The following GLI2 variants were observed in gnomAD, a reference collection of about 807,000 sequenced individuals.
The protein encoded by GLI2 is transcription activator GLI2.
GLI2 carries 22 observed loss-of-function variants against 78.9 expected under a neutral mutation model. The ratio of observed to expected loss-of-function variants is 0.28; its 90% confidence interval spans 0.20 to 0.40. The LOEUF is 0.40. Ranked by LOEUF, GLI2 falls within the 10% of genes least tolerant of loss-of-function variation. The pLI is 1.00. For missense variants in GLI2, 2,097 were observed against 2,213.2 expected (o/e 0.95, Z 1.05); for synonymous variants, 974 against 963.7 (o/e 1.01, Z -0.20).
chr2:120,836,631 T>C (rs1380090663), intron 2 of GLI2, among the ~76,000 whole-genome samples: 2 of 152,200 alleles, frequency 1.3e-5, no homozygotes, highest in Non-Finnish European at 2.9e-5. Context: ...AAAGATGCAA[T>C]AGAAAATATC....
intron 1 of GLI2, among the ~76,000 whole-genome samples, chr2:120,755,705 T>C (rs1232406485): frequency 6.6e-6 from 1 of 151,944 alleles, no homozygotes; most frequent in African/African-American, 2.4e-5. Flanking sequence ...TTTTAAGAAG[T>C]ATTAAAGTTT....
At chr2:120,961,750 G>A (rs1235957608) in intron 5 of GLI2, among the ~76,000 whole-genome samples, 2 of 152,168 alleles carry the variant, frequency 1.3e-5, no homozygotes, top group Non-Finnish European at 2.9e-5. Context: ...GAGGGAGTTG[G>A]GCTATGCAGG....
At chr2:120,940,989 C>A (rs1680423120) in intron 3 of GLI2, among the ~76,000 whole-genome samples, 1 of 152,180 alleles carries the variant, frequency 6.6e-6, no homozygotes, top group Non-Finnish European at 1.5e-5. Context: ...CGGCCTCAGA[C>A]CCCCAGCTCC....
intron 10 of GLI2, among the ~76,000 whole-genome samples, chr2:120,979,499 T>C (rs1216615542): frequency 6.6e-6 from 1 of 152,212 alleles, no homozygotes; most frequent in African/African-American, 2.4e-5. Flanking sequence ...CACCTTAATA[T>C]CTCTGAAGTC....
chr2:120,748,722 C>T (rs991288565), intron 1 of GLI2, among the ~76,000 whole-genome samples: 7 of 152,298 alleles, frequency 4.6e-5, no homozygotes, highest in Middle Eastern at 3.4e-3. Flanking sequence ...TCATTCTCCC[C>T]GTCTTGGGTT....
chr2:120,970,280 T>C, intron 6 of GLI2, 113 bp from the exon 7 acceptor site: 1 of 673,036 alleles, frequency 1.5e-6, no homozygotes, highest in Non-Finnish European at 2.7e-6. Context: ...ATGGTGGGGC[T>C]AGCAACATGC....
At chr2:120,787,967 C>T (rs116097911) in intron 1 of GLI2, among the ~76,000 whole-genome samples, 8,431 of 152,276 alleles carry the variant, frequency 0.055, 368 homozygotes, top group Admixed American at 0.11. Flanking sequence ...ATGGGACTGT[C>T]GTGTCAATTC....
In GLI2 at chr2:120,800,837, C is replaced by T. The variant is rs1372794881; in HGVS notation, c.148+3369C>T. Reference sequence around the variant, plus strand: ...GATGACTTATACGAGCTTAGTGTTTCCTGACTTATTACACATCAGAGAAGG... The same window carrying T: ...GATGACTTATACGAGCTTAGTGTTTTCTGACTTATTACACATCAGAGAAGG... On this transcript the variant is annotated intron_variant, in intron 2 of 13. Transcript: ENST00000361492. This position sits in a 1 kb window ranked among gnomAD's most constrained non-coding sequence, Gnocchi z 4.1. Among the ~76,000 whole-genome samples the T allele has an allele frequency of 6.6e-6, 1 of 152,128 alleles. No individual in the cohort carries two copies. The highest frequency in any genetic ancestry group is 1.5e-5 in the Non-Finnish European group (1 of 68,036).
At chr2:120,801,699 G>A (rs1355720482) in intron 2 of GLI2, among the ~76,000 whole-genome samples, 2 of 152,204 alleles carry the variant, frequency 1.3e-5, no homozygotes, top group Non-Finnish European at 2.9e-5. Context: ...GACATGAAGG[G>A]GGTGGGAGGC....
intron 2 of GLI2, 70 bp downstream of exon 2, chr2:120,797,538 A>C: frequency 6.9e-7 from 1 of 1,452,842 alleles, no homozygotes; most frequent in Non-Finnish European, 9.6e-7. Flanking sequence ...ATTTAATTAG[A>C]GTGGTGGCCC....
At chr2:120,779,752 C>T (rs551274026) in intron 1 of GLI2, among the ~76,000 whole-genome samples, 23 of 152,334 alleles carry the variant, frequency 1.5e-4, no homozygotes, top group Admixed American at 7.2e-4. Context: ...AAGACAGGGC[C>T]GGGGTCAGAC....
At chr2:120,830,580 C>G (rs1364815220) in intron 2 of GLI2, among the ~76,000 whole-genome samples, 2 of 152,238 alleles carry the variant, frequency 1.3e-5, no homozygotes, top group Non-Finnish European at 2.9e-5. Context: ...AAACAGCAGC[C>G]TCTTGGGCTG....
At chr2:120,757,599 A>G (rs987160473) in intron 1 of GLI2, among the ~76,000 whole-genome samples, 1 of 152,176 alleles carries the variant, frequency 6.6e-6, no homozygotes, top group East Asian at 1.9e-4. Context: ...TGCTGATTCT[A>G]TTCTGCAATG....
At chr2:120,974,555 G>C (rs1440522537) in intron 8 of GLI2, among the ~76,000 whole-genome samples, 1 of 152,122 alleles carries the variant, frequency 6.6e-6, no homozygotes, top group East Asian at 1.9e-4. Flanking sequence ...AGGCTGCCTC[G>C]AGCTCACTGT....
chr2:120,797,878 CT>C (rs2104698277), intron 2 of GLI2, among the ~76,000 whole-genome samples: 1 of 152,352 alleles, frequency 6.6e-6, no homozygotes, highest in East Asian at 1.9e-4. Flanking sequence ...CTCCTGATGC[CT>C]TCTGGCTCTA....
At chr2:120,937,596 C>A (rs1680259520) in intron 3 of GLI2, among the ~76,000 whole-genome samples, 1 of 152,206 alleles carries the variant, frequency 6.6e-6, no homozygotes, top group African/African-American at 2.4e-5. Context: ...TTCCCCAACC[C>A]CACCCACTGG....
rs187159241 is a variant in GLI2, at chr2:120,795,910, G to A, written c.-30-1381G>A. Among the ~76,000 whole-genome samples the A allele has an allele frequency of 3.0e-3, 453 of 152,240 alleles. 3 individuals are homozygous for A. The highest frequency in any genetic ancestry group is 0.026 in the South Asian group (123 of 4,822). Reference sequence around the variant, plus strand: ...ACTAAAAATACAAAATTAGCCGGGCGTGGTGGCTCATGCCTGTAATCCCAG... The same window carrying A: ...ACTAAAAATACAAAATTAGCCGGGCATGGTGGCTCATGCCTGTAATCCCAG... On this transcript the variant is annotated intron_variant, in intron 1 of 13. Coordinates refer to ENST00000361492, the MANE Select transcript of GLI2 (RefSeq NM_001374353.1).
At chr2:120,871,071 G>C (rs1004769163) in intron 2 of GLI2, among the ~76,000 whole-genome samples, 5 of 152,232 alleles carry the variant, frequency 3.3e-5, no homozygotes, top group African/African-American at 9.6e-5. Context: ...ACTAGTGCAT[G>C]AAATATTATG....
intron 3 of GLI2, among the ~76,000 whole-genome samples, chr2:120,942,906 C>G (rs1680526083): frequency 1.3e-5 from 2 of 149,190 alleles, no homozygotes; most frequent in African/African-American, 5.1e-5. Flanking sequence ...TCGTTCACAC[C>G]CTCACTCACT....
Sources: gnomAD v4.1 joint callset for allele counts (sites outside exome capture counted in the v4.1 genomes callset) on GRCh38, gnomAD v4.1.1 for gene constraint, Gnocchi (gnomAD v3.1) non-coding constraint, MANE v1.5 for transcripts, NCBI Gene and HGNC (gene_info 2026-07-23, HGNC 2026-07-21) for gene names.